The following SUMF1 variants were observed in gnomAD, a reference collection of about 807,000 sequenced individuals.
SUMF1 encodes sulfatase modifying factor 1.
In SUMF1, 48 loss-of-function variants were observed where a neutral mutation model predicts 47.6. That is an observed-to-expected ratio of 1.01 (90% CI 0.80 to 1.28). SUMF1 has a LOEUF of 1.28. Ranked by LOEUF, SUMF1 falls within the 50% of genes most tolerant of loss-of-function variation. SUMF1 has a pLI of 0.00. For missense variants in SUMF1, 571 were observed against 485.4 expected, an observed-to-expected ratio of 1.18 and a Z score of -1.66; for synonymous variants, 230 against 192.1, an observed-to-expected ratio of 1.20 and a Z score of -1.63.
chr3:4,274,040 C>T (rs1697364957), intron 8 of SUMF1, among the ~76,000 whole-genome samples: 1 of 152,046 alleles, frequency 6.6e-6, no homozygotes, highest in Non-Finnish European at 1.5e-5. Flanking sequence ...TCAATATAAA[C>T]AGGGCCCATA....
In SUMF1 at chr3:4,296,480, G is replaced by A. The variant is rs377671337; in HGVS notation, c.1014+79850C>T. On this transcript the variant is annotated intron_variant and NMD_transcript_variant, in intron 8 of 12. Coordinates refer to the SUMF1 transcript ENST00000448413. ...AATGGACTCACAGTTTCACATGGCT[G>A]GGGAGGCCTCACAATCATGGTGGAA... 7.2e-5 allele frequency among the ~76,000 whole-genome samples: 11 copies of A among 152,210 alleles called. No individual in the cohort carries two copies. The East Asian group carries it at 2.1e-3, about 29-fold the overall frequency.
chr3:4,167,615 A>G (rs985859571), intron 8 of SUMF1, among the ~76,000 whole-genome samples: 1 of 152,050 alleles, frequency 6.6e-6, no homozygotes, highest in Non-Finnish European at 1.5e-5. Flanking sequence ...GCATTTTACA[A>G]TCCCCTTGTA....
intron 8 of SUMF1, among the ~76,000 whole-genome samples, chr3:4,076,418 C>G (rs1403448760): frequency 1.3e-5 from 2 of 152,082 alleles, no homozygotes; most frequent in African/African-American, 4.8e-5. Flanking sequence ...CAATACCATT[C>G]AGGACATAGG....
At chr3:4,050,487 A>G (rs1392244445) in intron 9 of SUMF1, among the ~76,000 whole-genome samples, 1 of 151,900 alleles carries the variant, frequency 6.6e-6, no homozygotes, top group Non-Finnish European at 1.5e-5. Context: ...CATGCCTGTA[A>G]TCCCAGCATT....
chr3:4,155,715 A>T (rs1360805031), intron 8 of SUMF1, among the ~76,000 whole-genome samples: 3 of 151,510 alleles, frequency 2.0e-5, no homozygotes. Context: ...TTAAGCAGCC[A>T]GAATCAGCCT....
At chr3:4,317,284 T>A (rs1414501069) in intron 8 of SUMF1, 1 of 1,397,228 alleles carries the variant, frequency 7.2e-7, no homozygotes, top group Non-Finnish European at 9.6e-7. Context: ...GATTTAAAAT[T>A]CACAGTCCAA....
At chr3:4,166,794 T>C (rs947399994) in intron 8 of SUMF1, among the ~76,000 whole-genome samples, 8 of 152,032 alleles carry the variant, frequency 5.3e-5, no homozygotes, top group Admixed American at 2.6e-4. Flanking sequence ...ATGGCTTCCC[T>C]CTCTGTTGAC....
intron 9 of SUMF1, among the ~76,000 whole-genome samples, chr3:4,065,976 T>C (rs1230530849): frequency 2.0e-5 from 3 of 152,164 alleles, no homozygotes; most frequent in South Asian, 2.1e-4. Flanking sequence ...TCTGATCTAC[T>C]GCTTCTGCCT....
intron 8 of SUMF1, among the ~76,000 whole-genome samples, chr3:4,186,611 T>C (rs1417840916): frequency 6.6e-6 from 1 of 152,150 alleles, no homozygotes; most frequent in Non-Finnish European, 1.5e-5. Context: ...TCATTTGTGC[T>C]GAAAAATAAA....
intron 8 of SUMF1, chr3:4,303,606 G>A (rs1698044775): frequency 2.2e-6 from 3 of 1,374,532 alleles, no homozygotes; most frequent in South Asian, 3.4e-5. Flanking sequence ...CGCTGGGACG[G>A]CCTCCCAGTC....
At chr3:4,072,542 A>C (rs1279864307) in intron 8 of SUMF1, among the ~76,000 whole-genome samples, 1 of 152,158 alleles carries the variant, frequency 6.6e-6, no homozygotes, top group African/African-American at 2.4e-5. Flanking sequence ...ATCAGAGCTA[A>C]AGGAGCATGT....
intron 3 of SUMF1, among the ~76,000 whole-genome samples, chr3:4,443,501 T>C (rs1702676533): frequency 6.6e-6 from 1 of 152,124 alleles, no homozygotes; most frequent in Non-Finnish European, 1.5e-5. Context: ...TGGTGGCTGA[T>C]GCACGTAATA....
intron 3 of SUMF1, among the ~76,000 whole-genome samples, chr3:4,426,759 G>T (rs1702081430): frequency 1.3e-5 from 2 of 152,130 alleles, no homozygotes; most frequent in African/African-American, 4.8e-5. Flanking sequence ...TTTGGATGTG[G>T]TTGTCCACCT....
chr3:4,428,265 C>G (rs6442884), intron 3 of SUMF1, among the ~76,000 whole-genome samples: 49,073 of 151,834 alleles, frequency 0.32, 8,443 homozygotes, highest in East Asian at 0.57. Flanking sequence ...ACCCACATAT[C>G]CCAAGAAAAT....
intron 8 of SUMF1, among the ~76,000 whole-genome samples, chr3:4,130,640 C>A (rs1370991291): frequency 1.3e-5 from 2 of 152,064 alleles, no homozygotes; most frequent in Non-Finnish European, 2.9e-5. Flanking sequence ...TTTTAGGGGT[C>A]CAGTAGTGTG....
chr3:4,290,300 T>C (rs562289670), intron 8 of SUMF1, among the ~76,000 whole-genome samples: 1 of 148,438 alleles, frequency 6.7e-6, no homozygotes, highest in African/African-American at 2.6e-5. Context: ...TCTAAACAAA[T>C]CACAGCAAAG....
chr3:4,198,307 A>G (rs759821149), intron 8 of SUMF1, among the ~76,000 whole-genome samples: 3 of 152,096 alleles, frequency 2.0e-5, no homozygotes, highest in Non-Finnish European at 4.4e-5. Context: ...TGCCATGTCT[A>G]AGTGTGTGAC....
chr3:4,082,661 T>C (rs1273877487), intron 8 of SUMF1, among the ~76,000 whole-genome samples: 3 of 152,108 alleles, frequency 2.0e-5, no homozygotes, highest in Admixed American at 6.6e-5. Flanking sequence ...TATTAATCTA[T>C]TTAATAAACA....
intron 8 of SUMF1, among the ~76,000 whole-genome samples, chr3:4,078,483 G>A (rs1002060434): frequency 5.9e-5 from 9 of 152,274 alleles, no homozygotes; most frequent in Non-Finnish European, 1.2e-4. Flanking sequence ...TTCTGATTAT[G>A]TTAGAGTAGG....
Sources: gnomAD v4.1 joint callset for allele counts (sites outside exome capture counted in the v4.1 genomes callset) on GRCh38, gnomAD v4.1.1 for gene constraint, MANE v1.5 for transcripts, NCBI Gene and HGNC (gene_info 2026-07-23, HGNC 2026-07-21) for gene names.